Variants in MEI1 observed in about 807,000 individuals in gnomAD.
MEI1 encodes the protein meiosis inhibitor protein 1.
MEI1 carries 103 observed loss-of-function variants against 146.2 expected under a neutral mutation model. The observed-to-expected ratio is 0.70, with a 90% CI of 0.60 to 0.83. The LOEUF (loss-of-function observed/expected upper bound fraction) is 0.83, where lower values mean the gene tolerates loss of function less well. MEI1 is among the 40% of genes least tolerant of loss of function. The pLI, the probability that MEI1 is intolerant of heterozygous loss-of-function variation, is 0.00. For synonymous variants in MEI1, 652 were observed against 628.2 expected, an observed-to-expected ratio of 1.04 and a Z score of -0.57; for missense variants, 1,529 against 1,533.0, an observed-to-expected ratio of 1.00 and a Z score of 0.04.
intron 3 of MEI1, among the ~76,000 whole-genome samples, chr22:41,712,247 T>G (rs2069646358): frequency 6.8e-6 from 1 of 146,410 alleles, no homozygotes; most frequent in Non-Finnish European, 1.5e-5. Flanking sequence ...GTTTGTTTGT[T>G]TCTTTGATAC....
chr22:41,780,247 A>G (rs916003845), intron 22 of MEI1, among the ~76,000 whole-genome samples: 1 of 152,226 alleles, frequency 6.6e-6, no homozygotes, highest in East Asian at 1.9e-4. Flanking sequence ...GAGCACTTCT[A>G]TATGACAGCA....
intron 3 of MEI1, among the ~76,000 whole-genome samples, chr22:41,713,626 A>G (rs1044679312): frequency 2.0e-5 from 3 of 152,090 alleles, no homozygotes; most frequent in African/African-American, 4.8e-5. Flanking sequence ...TTGGCTCACT[A>G]CAACCTCCGC....
chr22:41,785,707 G>A (rs2075945745), intron 26 of MEI1, among the ~76,000 whole-genome samples: 1 of 151,156 alleles, frequency 6.6e-6, no homozygotes, highest in Non-Finnish European at 1.5e-5. Context: ...GGGATTACAG[G>A]TGCATGCCAC....
intron 26 of MEI1, among the ~76,000 whole-genome samples, chr22:41,791,887 A>G (rs1367557974): frequency 6.6e-6 from 1 of 152,228 alleles, no homozygotes; most frequent in Non-Finnish European, 1.5e-5. Context: ...GTCAGATACA[A>G]AAGAGCACAT....
rs2075504642 is a variant in MEI1 at position 41,777,431 on chromosome 22, C to G, written c.2710+1164C>G. ...TCAGCCTCCCAAAGTGCTTGGATTA[C>G]AGGTGTGAGCTACCACACTCGGCCT... is the stretch of plus-strand genomic sequence containing the variant. On this transcript the variant is annotated intron_variant, in intron 21 of 30. Transcript: ENST00000401548. 2.0e-5 allele frequency among the ~76,000 whole-genome samples: 3 copies of G among 152,198 alleles called. No individual in the cohort carries two copies. The South Asian group carries it at 6.2e-4, about 31-fold the overall frequency.
rs762505258 is a variant in MEI1 at position 41,795,406 on chromosome 22, G to A, written c.3535-5G>A. The A allele has an allele frequency of 6.2e-7, 1 of 1,613,578 alleles. No individual in the cohort carries two copies. The highest frequency in any genetic ancestry group is 1.1e-5 in the South Asian group (1 of 91,058). On this transcript the variant is annotated splice_region_variant and splice_polypyrimidine_tract_variant and intron_variant, in intron 28 of 30. Transcript: ENST00000401548. This position sits in a 1 kb window ranked among gnomAD's most constrained non-coding sequence, Gnocchi z 4.2. ...GGTGTTTGGGGGTTTCTCTTCCTGGGCCAGTTTATGCGGTACCGGAGTAGC... is the reference window on the plus strand; with the variant it reads ...GGTGTTTGGGGGTTTCTCTTCCTGGACCAGTTTATGCGGTACCGGAGTAGC...
chr22:41,792,105 A>G (rs2076201747), intron 26 of MEI1, among the ~76,000 whole-genome samples: 1 of 152,214 alleles, frequency 6.6e-6, no homozygotes, highest in Non-Finnish European at 1.5e-5. Flanking sequence ...CTACTGAATT[A>G]TATCCTTTAA....
chr22:41,746,514 G>A (rs1329882522), intron 14 of MEI1, among the ~76,000 whole-genome samples: 2 of 152,210 alleles, frequency 1.3e-5, no homozygotes, highest in African/African-American at 2.4e-5. Context: ...ACATGTATGT[G>A]TGTTCTGTAA....
intron 8 of MEI1, among the ~76,000 whole-genome samples, chr22:41,730,195 T>C (rs1313645249): frequency 6.6e-6 from 1 of 152,170 alleles, no homozygotes; most frequent in Non-Finnish European, 1.5e-5. Context: ...CAAGTCTCTC[T>C]GACTCTAAAA....
At chr22:41,796,297 C>T (rs190152726) in intron 30 of MEI1, among the ~76,000 whole-genome samples, 1 of 151,896 alleles carries the variant, frequency 6.6e-6, no homozygotes, top group Non-Finnish European at 1.5e-5. Flanking sequence ...AAGCGATTCT[C>T]CTGCCTCAGC....
intron 19 of MEI1, among the ~76,000 whole-genome samples, chr22:41,764,474 C>T (rs985615588): frequency 2.6e-5 from 4 of 152,142 alleles, no homozygotes; most frequent in African/African-American, 9.7e-5. Context: ...TGTTTCCACT[C>T]AAATTAAACC....
intron 12 of MEI1, 142 bp downstream of exon 12, chr22:41,743,336 C>T: frequency 1.7e-6 from 1 of 578,092 alleles, no homozygotes; most frequent in African/African-American, 1.8e-5. Context: ...TGCTTTTTCC[C>T]TAATAGCAGA....
rs1238166528 is a variant in MEI1 at position 41,770,902 on chromosome 22, A to T, written c.2485A>T (p.Ser829Cys). ...TSAGQPALPA[S>C]LVVLFQLLRS... ...TGCTGGGCAGCCCGCCCTTCCTGCC[A>T]GCTTAGTAGTCCTGTTCCAGTTGCT... Residue 829 changes from serine to cysteine, a missense_variant, in exon 20 of 31, where the codon AGC becomes TGC. Around this residue, in one of 3 missense-constraint regions of MEI1, gnomAD observed 1,212 missense variants for 1,178.9 expected, o/e 1.03. Transcript: ENST00000401548. 2 of 1,614,038 alleles carry T rather than the reference A, an allele frequency of 1.2e-6. No individual in the cohort carries two copies. Among genetic ancestry groups the T allele is most frequent in the Non-Finnish European group, 1.7e-6 (2 of 1,179,894 alleles).
chr22:41,709,264 C>T (rs2147265598), intron 3 of MEI1: 1 of 836,566 alleles, frequency 1.2e-6, no homozygotes, highest in Non-Finnish European at 2.1e-6. Flanking sequence ...CCTGGTCTGT[C>T]TTGGCATCTC....
At position 41,799,264 on chromosome 22, in the gene MEI1, G is replaced by C; in HGVS notation, c.3790G>C (p.Gly1264Arg). The C allele has an allele frequency of 2.5e-6, 4 of 1,613,328 alleles. No homozygotes were observed. The highest frequency in any genetic ancestry group is 2.5e-6 in the Non-Finnish European group (3 of 1,179,522). Residue 1264 changes from glycine to arginine, a missense_variant, in exon 31 of 31, where the codon GGG becomes CGG. Coordinates refer to ENST00000401548, the MANE Select transcript of MEI1 (RefSeq NM_152513.4). ...PPLQDMLCLG[G>R]VAVSLSHIRN ...ATGTTTTGCTGCCAGCTGCCTGGGA[G>C]GGGTGGCTGTATCCCTGTCCCACAT...
Position 41,798,535 on chromosome 22 carries a change from G to A in MEI1, c.3780-719G>A, listed in dbSNP as rs142139954. Among the ~76,000 whole-genome samples, 1,080 of 149,546 alleles carry A rather than the reference G, an allele frequency of 7.2e-3. 85 individuals carry two copies. In the East Asian group the frequency reaches 0.19, roughly 27 times the overall value. On this transcript the variant is annotated intron_variant, in intron 30 of 30. Coordinates refer to ENST00000401548, the MANE Select transcript of MEI1 (RefSeq NM_152513.4). ...AGAGGCTGCAGTGAGCCAAGATCGC[G>A]CCACTGTACTCCAGCCTGGGCAACA... is the stretch of plus-strand genomic sequence containing the variant.
At chr22:41,740,246 C>G (rs1050320691) in intron 11 of MEI1, among the ~76,000 whole-genome samples, 1 of 152,042 alleles carries the variant, frequency 6.6e-6, no homozygotes, top group African/African-American at 2.4e-5. Context: ...TATCGAATTC[C>G]TGACCTTGTG....
chr22:41,772,756 T>G (rs1314153190), intron 20 of MEI1, among the ~76,000 whole-genome samples: 1 of 152,206 alleles, frequency 6.6e-6, no homozygotes, highest in Admixed American at 6.5e-5. Context: ...CTCTTTTTAC[T>G]CAGTCTGTTT....
rs1317835036 is a variant in MEI1, at chr22:41,794,467, T to G, written c.3524T>G (p.Leu1175Arg). The G allele has an allele frequency of 1.2e-6, 2 of 1,613,172 alleles. No individual in the cohort carries two copies. Among genetic ancestry groups the G allele is most frequent in the Non-Finnish European group, 1.7e-6 (2 of 1,179,272 alleles). ...NSFLRPEILR[L>R]MTLFMRYRSS... ...TTCCTCAGACCTGAGATTTTGAGGC[T>G]CATGACCCTGGTAAGTGCAGAAAGG... The change falls in exon 28 of 31, where the codon CTC (leucine) becomes CGC (arginine). Residue 1175 changes from leucine to arginine, a missense_variant. Leu to Arg is a moderately radical substitution (Grantham distance 102). Coordinates refer to ENST00000401548, the MANE Select transcript of MEI1 (RefSeq NM_152513.4).
Sources: allele counts gnomAD v4.1 joint callset (sites outside exome capture counted in the v4.1 genomes callset), GRCh38; gene constraint gnomAD v4.1.1; regional missense constraint gnomAD v4.1.1; non-coding constraint Gnocchi (gnomAD v3.1); transcripts MANE v1.5; gene names NCBI Gene and HGNC (gene_info 2026-07-23, HGNC 2026-07-21).